PIK3AP1: variants seen among roughly 807,000 people sequenced by gnomAD.
PIK3AP1 encodes phosphoinositide-3-kinase adaptor protein 1.
PIK3AP1 carries 21 observed loss-of-function variants against 88.1 expected under a neutral mutation model. The ratio of observed to expected loss-of-function variants is 0.24; its 90% CI spans 0.17 to 0.34. The LOEUF is 0.34. Among genes scored for constraint, PIK3AP1 ranks in the 10% least tolerant of loss-of-function variants. The pLI is 1.00. For missense variants in PIK3AP1, 828 were observed against 1,035.7 expected, an observed-to-expected ratio of 0.80 and a Z score of 2.75; for synonymous variants, 398 against 400.0, an observed-to-expected ratio of 1.00 and a Z score of 0.06.
At chr10:96,657,049 C>A in intron 2 of PIK3AP1, 115 bp from the exon 3 acceptor site, 1 of 1,099,090 alleles carries the variant, frequency 9.1e-7, no homozygotes, top group Non-Finnish European at 1.3e-6. Flanking sequence ...GAATGTCAAA[C>A]CAATACAAGC....
intron 13 of PIK3AP1, 106 bp downstream of exon 13, chr10:96,616,533 T>A: frequency 8.6e-7 from 1 of 1,157,248 alleles, no homozygotes; most frequent in Non-Finnish European, 1.3e-6. Flanking sequence ...GTATGACGAG[T>A]GCTGGGCAAG....
intron 8 of PIK3AP1, chr10:96,633,041 C>T (rs747300178): frequency 2.5e-5 from 40 of 1,607,408 alleles, no homozygotes; most frequent in Non-Finnish European, 3.0e-5. Context: ...TAGCAGGCCA[C>T]GCTGGTGAAA....
At chr10:96,634,896 A>AG (rs1275643499) in intron 8 of PIK3AP1, among the ~76,000 whole-genome samples, 1 of 152,140 alleles carries the variant, frequency 6.6e-6, no homozygotes, top group African/African-American at 2.4e-5. Flanking sequence ...TGTCCTTTCC[A>AG]GACTCTAGAG....
chr10:96,681,983 T>C (rs1844006680), intron 2 of PIK3AP1, among the ~76,000 whole-genome samples: 1 of 119,862 alleles, frequency 8.3e-6, no homozygotes, highest in Admixed American at 1.0e-4. Context: ...CATACATAAA[T>C]ATATGTGTGT....
chr10:96,681,296 A>C (rs1843995906), intron 2 of PIK3AP1, among the ~76,000 whole-genome samples: 1 of 152,184 alleles, frequency 6.6e-6, no homozygotes, highest in Non-Finnish European at 1.5e-5. Context: ...CTCTATCTCC[A>C]AATCCAGTCG....
intron 13 of PIK3AP1, among the ~76,000 whole-genome samples, chr10:96,614,783 C>T (rs1184799016): frequency 1.3e-5 from 2 of 152,156 alleles, no homozygotes; most frequent in African/African-American, 2.4e-5. Context: ...AAATAGTTTC[C>T]TGAAACTGAC....
intron 2 of PIK3AP1, among the ~76,000 whole-genome samples, chr10:96,684,188 C>A (rs1844039182): frequency 6.6e-6 from 1 of 152,226 alleles, no homozygotes; most frequent in Non-Finnish European, 1.5e-5. Context: ...AGCTTCTCAG[C>A]CATTCTTTTC....
At chr10:96,711,827 T>C (rs1589552109) in intron 1 of PIK3AP1, among the ~76,000 whole-genome samples, 1 of 141,680 alleles carries the variant, frequency 7.1e-6, no homozygotes, top group Admixed American at 7.6e-5. Flanking sequence ...CTCGGTTCAC[T>C]GCAAGCTCCG....
At chr10:96,666,502 T>G (rs1487445178) in intron 2 of PIK3AP1, among the ~76,000 whole-genome samples, 1 of 152,136 alleles carries the variant, frequency 6.6e-6, no homozygotes, top group Non-Finnish European at 1.5e-5. Flanking sequence ...ACACTAAAGC[T>G]TCATAATATT....
chr10:96,610,563 C>T (rs1031866196), intron 13 of PIK3AP1, among the ~76,000 whole-genome samples: 4 of 151,984 alleles, frequency 2.6e-5, no homozygotes, highest in Admixed American at 2.6e-4. Context: ...GCTGGGTGGC[C>T]CACACACACA....
chr10:96,717,666 G>A (rs1450124086), intron 1 of PIK3AP1, among the ~76,000 whole-genome samples: 1 of 152,192 alleles, frequency 6.6e-6, no homozygotes, highest in Non-Finnish European at 1.5e-5. Flanking sequence ...GCAAGAGACG[G>A]TATGAGAGCT....
At chr10:96,630,181 A>G (rs901237142) in intron 8 of PIK3AP1, among the ~76,000 whole-genome samples, 6 of 152,052 alleles carry the variant, frequency 3.9e-5, no homozygotes, top group African/African-American at 1.4e-4. Context: ...ACAAAAAACA[A>G]CCTCCTTATT....
chr10:96,632,810 T>C (rs2134214277), intron 8 of PIK3AP1: 2 of 1,544,930 alleles, frequency 1.3e-6, no homozygotes, highest in Middle Eastern at 3.5e-4. Flanking sequence ...TTTTTCCCAC[T>C]TCTGGCTGTA....
intron 10 of PIK3AP1, among the ~76,000 whole-genome samples, chr10:96,626,183 AT>A (rs1273545492): frequency 6.6e-5 from 10 of 152,216 alleles, no homozygotes; most frequent in Non-Finnish European, 1.5e-4. Context: ...TTTTAATAAC[AT>A]GGGTAGATGG....
chr10:96,651,422 CT>C, intron 5 of PIK3AP1, 42 bp from the exon 6 acceptor site: 1 of 1,614,110 alleles, frequency 6.2e-7, no homozygotes, highest in Non-Finnish European at 8.5e-7. Context: ...AAATCCAGCT[CT>C]CTTCCATCCC....
chr10:96,617,549 G>C (rs897684776), intron 12 of PIK3AP1, among the ~76,000 whole-genome samples: 1 of 152,294 alleles, frequency 6.6e-6, no homozygotes, highest in South Asian at 2.1e-4. Flanking sequence ...TAAGGTTCTA[G>C]TGAACTAGAG....
At chr10:96,674,707 A>G (rs544941768) in intron 2 of PIK3AP1, among the ~76,000 whole-genome samples, 2 of 152,352 alleles carry the variant, frequency 1.3e-5, no homozygotes, top group South Asian at 4.1e-4. Flanking sequence ...AGGGAGGACC[A>G]CTGTAAGGCT....
intron 2 of PIK3AP1, among the ~76,000 whole-genome samples, chr10:96,695,159 T>G (rs1479313928): frequency 6.6e-6 from 1 of 152,196 alleles, no homozygotes; most frequent in Non-Finnish European, 1.5e-5. Flanking sequence ...AACTCAGGCT[T>G]TGAGCAAGGA....
intron 7 of PIK3AP1, among the ~76,000 whole-genome samples, chr10:96,648,446 C>T (rs755364995): frequency 5.9e-5 from 9 of 152,224 alleles, no homozygotes; most frequent in Admixed American, 3.3e-4. Context: ...ACTTACCCAA[C>T]GTCACAAGGC....
Sources: allele counts gnomAD v4.1 joint callset (sites outside exome capture counted in the v4.1 genomes callset), GRCh38; gene constraint gnomAD v4.1.1; transcripts MANE v1.5; gene names NCBI Gene and HGNC (gene_info 2026-07-23, HGNC 2026-07-21).